SND1: variants seen among roughly 807,000 people sequenced by gnomAD.
SND1 encodes the protein staphylococcal nuclease and tudor domain containing 1.
A neutral mutation model predicts 121.7 loss-of-function variants in SND1; 38 were observed. The observed-to-expected ratio is 0.31, with a 90% confidence interval of 0.24 to 0.41. The LOEUF (loss-of-function observed/expected upper bound fraction) is 0.41, where lower values mean the gene tolerates loss of function less well. Among genes scored for constraint, SND1 ranks in the 10% least tolerant of loss-of-function variants. The probability of loss-of-function intolerance (pLI) is 1.00; values close to 1 mark genes in which losing one functional copy is unlikely to be tolerated. For synonymous variants in SND1, 401 were observed against 447.4 expected (o/e 0.90, Z 1.31); for missense variants, 868 against 1,184.6 (o/e 0.73, Z 3.92).
chr7:127,878,269 G>C (rs1244411481), intron 12 of SND1, among the ~76,000 whole-genome samples: 1 of 152,058 alleles, frequency 6.6e-6, no homozygotes, highest in African/African-American at 2.4e-5. Context: ...TTGTATTTAC[G>C]ATCACAGACC....
intron 16 of SND1, chr7:128,031,938 T>C (rs1015819271): frequency 1.3e-5 from 2 of 150,710 alleles, no homozygotes; most frequent in Non-Finnish European, 3.0e-5. Context: ...CGGGAAACGC[T>C]CCGGAGCCCA....
intron 11 of SND1, among the ~76,000 whole-genome samples, chr7:127,831,342 T>C (rs1014640402): frequency 6.6e-6 from 1 of 152,188 alleles, no homozygotes. Flanking sequence ...TCCAGCTCTC[T>C]CTGAAGGGCT....
At chr7:127,780,441 T>C (rs953761138) in intron 10 of SND1, among the ~76,000 whole-genome samples, 1 of 152,210 alleles carries the variant, frequency 6.6e-6, no homozygotes, top group Non-Finnish European at 1.5e-5. Flanking sequence ...TTTAAAGTAC[T>C]TATGTCCAGT....
chr7:128,089,506 C>T lies in SND1; in HGVS notation c.2436C>T (p.Asp812=), dbSNP rs773502737. The T allele has an allele frequency of 9.3e-6, 15 of 1,613,116 alleles. No homozygotes were observed. Among genetic ancestry groups the T allele is most frequent in the South Asian group, 2.2e-5 (2 of 91,048 alleles). The change falls in exon 22 of 24, where the codon GAC becomes GAT. Residue 812 remains aspartate (D), a synonymous_variant. Transcript: ENST00000354725. ...QVPQDDDART[D]AVDSVVRDIQ... ...TGCTCCAGGATGATGCCCGCACGGA[C>T]GCCGTGGACAGCGTAGTTCGGGATA... is the stretch of plus-strand genomic sequence containing the variant.
intron 12 of SND1, among the ~76,000 whole-genome samples, chr7:127,846,158 C>T (rs979411516): frequency 6.6e-6 from 1 of 152,194 alleles, no homozygotes; most frequent in African/African-American, 2.4e-5. Context: ...TAATTGACAA[C>T]CTACAATATC....
At chr7:127,863,617 G>A (rs1799417703) in intron 12 of SND1, among the ~76,000 whole-genome samples, 1 of 152,096 alleles carries the variant, frequency 6.6e-6, no homozygotes, top group African/African-American at 2.4e-5. Flanking sequence ...TTTTTACACA[G>A]ATACAGTAAT....
intron 16 of SND1, among the ~76,000 whole-genome samples, chr7:128,053,571 C>T (rs912276911): frequency 1.3e-5 from 2 of 151,998 alleles, no homozygotes; most frequent in African/African-American, 4.8e-5. Flanking sequence ...AAGTGAGATA[C>T]CTGGGCAATG....
intron 12 of SND1, among the ~76,000 whole-genome samples, chr7:127,852,985 G>A (rs984556062): frequency 6.6e-6 from 1 of 151,880 alleles, no homozygotes; most frequent in African/African-American, 2.4e-5. Flanking sequence ...GGTAGGCATG[G>A]CATTTCTCTG....
At position 127,993,034 on chromosome 7, in the gene SND1, A is replaced by G. The variant is rs577445835; in HGVS notation, c.1779+1978A>G. Among the ~76,000 whole-genome samples the G allele has an allele frequency of 4.6e-5, 7 of 152,278 alleles. No individual in the cohort carries two copies. In the South Asian group the frequency reaches 1.5e-3, roughly 32 times the overall value. On this transcript the variant is annotated intron_variant, in intron 16 of 23. Transcript: ENST00000354725. ...CATCTTTCATATCCCTAGGTTGAGG[A>G]TCTCAATAAGAACCTTTCTGCATTT...
chr7:128,075,874 T>C lies in SND1; in HGVS notation c.1968+1184T>C, dbSNP rs150746976. 4.8e-3 allele frequency among the ~76,000 whole-genome samples: 730 copies of C among 152,328 alleles called. 10 individuals carry two copies. The highest frequency in any genetic ancestry group is 0.017 in the African/African-American group (699 of 41,562). Reference sequence around the variant, plus strand: ...ATAGGAAAGGAGTCACACGGCTTCTTCCTGGATTTCCTGCTTGTGACAGCT... The same window carrying C: ...ATAGGAAAGGAGTCACACGGCTTCTCCCTGGATTTCCTGCTTGTGACAGCT... On this transcript the variant is annotated intron_variant, in intron 17 of 23. Transcript: ENST00000354725.
At chr7:127,696,873 T>G (rs1796014397) in intron 3 of SND1, among the ~76,000 whole-genome samples, 1 of 152,236 alleles carries the variant, frequency 6.6e-6, no homozygotes, top group African/African-American at 2.4e-5. Context: ...GATCAATAAA[T>G]ATGTACTTAA....
At chr7:127,978,406 G>A (rs1372767864) in intron 15 of SND1, among the ~76,000 whole-genome samples, 2 of 152,234 alleles carry the variant, frequency 1.3e-5, no homozygotes, top group Non-Finnish European at 2.9e-5. Context: ...TCAGGAAGTG[G>A]AGAGAAGCAG....
chr7:127,806,051 A>T (rs1798232716), intron 10 of SND1, among the ~76,000 whole-genome samples: 1 of 152,182 alleles, frequency 6.6e-6, no homozygotes, highest in East Asian at 1.9e-4. Context: ...TGAGGGAGGT[A>T]CTGTACTTGG....
chr7:128,047,771 T>C (rs573208937), intron 16 of SND1, among the ~76,000 whole-genome samples: 17 of 152,300 alleles, frequency 1.1e-4, no homozygotes, highest in African/African-American at 3.8e-4. Context: ...AGGTTTAAGA[T>C]AGACTCCTTG....
intron 14 of SND1, among the ~76,000 whole-genome samples, chr7:127,921,485 T>C (rs1226919599): frequency 6.6e-6 from 1 of 152,190 alleles, no homozygotes; most frequent in African/African-American, 2.4e-5. Flanking sequence ...ACTTACAGAT[T>C]AGTTAGGGGA....
At chr7:128,009,796 A>C (rs1338404833) in intron 16 of SND1, among the ~76,000 whole-genome samples, 1 of 146,146 alleles carries the variant, frequency 6.8e-6, no homozygotes, top group Non-Finnish European at 1.5e-5. Flanking sequence ...TTTGACCCTT[A>C]TCTCTCATGC....
chr7:127,737,597 T>C (rs1796799895), intron 10 of SND1, among the ~76,000 whole-genome samples: 1 of 152,086 alleles, frequency 6.6e-6, no homozygotes, highest in Admixed American at 6.6e-5. Context: ...ATGGTATGTA[T>C]AGGGGGGTTA....
At chr7:128,066,499 A>C (rs566209103) in intron 16 of SND1, among the ~76,000 whole-genome samples, 1 of 152,216 alleles carries the variant, frequency 6.6e-6, no homozygotes, top group Non-Finnish European at 1.5e-5. Context: ...ACAGTAGCAC[A>C]TGGAAAATCC....
At chr7:128,008,047 A>G (rs200938255) in intron 16 of SND1, 1 of 152,224 alleles carries the variant, frequency 6.6e-6, no homozygotes, top group Non-Finnish European at 1.5e-5. Flanking sequence ...CTCCCAGACA[A>G]CAGCCTCATC....
Sources: allele counts gnomAD v4.1 joint callset (sites outside exome capture counted in the v4.1 genomes callset), GRCh38; gene constraint gnomAD v4.1.1; transcripts MANE v1.5; gene names NCBI Gene and HGNC (gene_info 2026-07-23, HGNC 2026-07-21).